The following PCDH15 variants were observed in gnomAD, a reference collection of about 807,000 sequenced individuals.
PCDH15 encodes the protein protocadherin related 15.
PCDH15 carries 129 observed loss-of-function variants against 178.5 expected under a neutral mutation model. The ratio of observed to expected loss-of-function variants is 0.72; its 90% confidence interval spans 0.63 to 0.84. The LOEUF (loss-of-function observed/expected upper bound fraction) is 0.84, where lower values mean the gene tolerates loss of function less well. PCDH15 is among the 40% of genes least tolerant of loss of function. The probability of loss-of-function intolerance (pLI) is 0.00; values close to 1 mark genes in which losing one functional copy is unlikely to be tolerated. For synonymous variants in PCDH15, 800 were observed against 732.0 expected, an observed-to-expected ratio of 1.09 and a Z score of -1.50; for missense variants, 2,230 against 2,099.9, an observed-to-expected ratio of 1.06 and a Z score of -1.21.
At position 53,942,764 on chromosome 10, in the gene PCDH15, G is replaced by T. The variant is rs369943292; in HGVS notation, c.3123-1789C>A. On this transcript the variant is annotated intron_variant, in intron 23 of 37. Coordinates refer to ENST00000644397, the MANE Select transcript of PCDH15 (RefSeq NM_001384140.1). ...AGACCGTAGCCCTGGATGACACCTT[G>T]ATTAAAAGATTATGTAAGTCCAAAA... Among the ~76,000 whole-genome samples, 12 of 152,272 alleles carry T rather than the reference G, an allele frequency of 7.9e-5. No individual in the cohort carries two copies. The East Asian group carries it at 2.1e-3, about 27-fold the overall frequency.
intron 27 of PCDH15, 85 bp downstream of exon 27, chr10:53,866,557 A>T: frequency 1.0e-6 from 1 of 999,672 alleles, no homozygotes; most frequent in Non-Finnish European, 1.6e-6. Context: ...GTTTTAAATT[A>T]ATCTTAGAAG....
intron 3 of PCDH15, among the ~76,000 whole-genome samples, chr10:54,420,062 T>C (rs1472109726): frequency 6.6e-6 from 1 of 152,120 alleles, no homozygotes; most frequent in Admixed American, 6.6e-5. Flanking sequence ...TCAGTTAATA[T>C]GCATGTTGCT....
chr10:54,399,027 C>T (rs1448376870), intron 3 of PCDH15, among the ~76,000 whole-genome samples: 8 of 152,078 alleles, frequency 5.3e-5, no homozygotes, highest in Non-Finnish European at 1.0e-4. Flanking sequence ...TTTTATACTG[C>T]AAATTATTCT....
intron 2 of PCDH15, among the ~76,000 whole-genome samples, chr10:54,662,300 C>T (rs1356925551): frequency 6.6e-6 from 1 of 151,884 alleles, no homozygotes; most frequent in Non-Finnish European, 1.5e-5. Flanking sequence ...TATGAAAAAA[C>T]ATTCAACCTC....
At chr10:54,874,468 A>T (rs1441736309) in intron 3 of PCDH15, among the ~76,000 whole-genome samples, 1 of 152,048 alleles carries the variant, frequency 6.6e-6, no homozygotes, top group African/African-American at 2.4e-5. Context: ...CATGATTTAT[A>T]CCTAGGCATT....
chr10:55,425,291 T>A (rs1236630834), intron 2 of PCDH15, among the ~76,000 whole-genome samples: 1 of 152,054 alleles, frequency 6.6e-6, no homozygotes, highest in South Asian at 2.1e-4. Flanking sequence ...CAATCTCTTT[T>A]GCTAATGCTG....
chr10:53,822,983 G>T, intron 32 of PCDH15: 1 of 1,614,066 alleles, frequency 6.2e-7, no homozygotes, highest in Non-Finnish European at 8.5e-7. Context: ...TCAGCCTCCT[G>T]GGTAAGCTGA....
chr10:54,420,910 A>G (rs989155417), intron 3 of PCDH15, among the ~76,000 whole-genome samples: 2 of 152,234 alleles, frequency 1.3e-5, no homozygotes, highest in Non-Finnish European at 2.9e-5. Flanking sequence ...GACTTCAGGA[A>G]ACATGCCAGT....
intron 25 of PCDH15, among the ~76,000 whole-genome samples, chr10:53,909,082 G>A (rs974133439): frequency 3.9e-5 from 6 of 152,094 alleles, no homozygotes; most frequent in East Asian, 1.9e-4. Context: ...CTCACGTATC[G>A]ACGGAAGAAC....
At position 54,195,743 on chromosome 10, in the gene PCDH15, C is replaced by T. The variant is rs775789634; in HGVS notation, c.1245G>A (p.Ser415=). The change falls in exon 11 of 38, where the codon TCG becomes TCA. Residue 415 remains serine (S), a synonymous_variant. Coordinates refer to ENST00000644397, the MANE Select transcript of PCDH15 (RefSeq NM_001384140.1). ...AAGGTGAAGTCAAATTGAGACTGTC[C>T]GAAATGGTTGCTCCCACTGGGGCAG... ...LESAPVGATI[S]DSLNLTSPLR... 7.4e-6 allele frequency: 12 copies of T among 1,613,908 alleles called. No homozygotes were observed. Among genetic ancestry groups the T allele is most frequent in the South Asian group, 4.4e-5 (4 of 91,078 alleles).
intron 2 of PCDH15, among the ~76,000 whole-genome samples, chr10:55,375,343 T>C (rs1251581520): frequency 1.3e-5 from 2 of 152,116 alleles, no homozygotes; most frequent in Non-Finnish European, 1.5e-5. Flanking sequence ...TGATCAAAAT[T>C]AGTCAAAATT....
At chr10:55,557,431 G>A (rs917490516) in intron 2 of PCDH15, among the ~76,000 whole-genome samples, 1 of 152,156 alleles carries the variant, frequency 6.6e-6, no homozygotes, top group South Asian at 2.1e-4. Flanking sequence ...CAAGTTAAAT[G>A]TAGGGCTGCC....
chr10:55,226,855 T>C (rs1841060667), intron 1 of PCDH15, among the ~76,000 whole-genome samples: 1 of 151,754 alleles, frequency 6.6e-6, no homozygotes, highest in Non-Finnish European at 1.5e-5. Flanking sequence ...AAGATAGATA[T>C]AAGTCAATAA....
intron 3 of PCDH15, chr10:54,486,297 AG>A (rs1475175163): frequency 6.6e-6 from 1 of 152,068 alleles, no homozygotes; most frequent in East Asian, 1.9e-4. Context: ...TTTCCTTAAC[AG>A]GTGCTCATTT....
intron 2 of PCDH15, among the ~76,000 whole-genome samples, chr10:55,072,528 C>T (rs1428729758): frequency 6.6e-6 from 1 of 152,072 alleles, no homozygotes; most frequent in African/African-American, 2.4e-5. Context: ...GACACATACA[C>T]CCTCCCAAGA....
At chr10:55,230,723 A>G (rs1019456783) in intron 1 of PCDH15, among the ~76,000 whole-genome samples, 2 of 152,088 alleles carry the variant, frequency 1.3e-5, no homozygotes, top group African/African-American at 2.4e-5. Flanking sequence ...ACAGATAAGT[A>G]GAAAATTTTA....
intron 28 of PCDH15, among the ~76,000 whole-genome samples, chr10:53,845,676 C>T (rs1336061134): frequency 2.0e-5 from 3 of 151,518 alleles, no homozygotes; most frequent in African/African-American, 7.3e-5. Flanking sequence ...AAAAATGGAT[C>T]TCATGGAGGT....
intron 2 of PCDH15, among the ~76,000 whole-genome samples, chr10:55,439,004 T>C (rs1839114746): frequency 1.3e-5 from 2 of 152,042 alleles, no homozygotes; most frequent in South Asian, 4.2e-4. Flanking sequence ...GTTCACATCA[T>C]TCTCCCACCT....
chr10:53,971,546 C>G (rs1039438120), intron 21 of PCDH15, among the ~76,000 whole-genome samples: 1 of 152,152 alleles, frequency 6.6e-6, no homozygotes, highest in African/African-American at 2.4e-5. Context: ...ACCCCATCAT[C>G]TCAGCCCAAA....
Sources: gnomAD v4.1 joint callset for allele counts (sites outside exome capture counted in the v4.1 genomes callset) on GRCh38, gnomAD v4.1.1 for gene constraint, MANE v1.5 for transcripts, NCBI Gene and HGNC (gene_info 2026-07-23, HGNC 2026-07-21) for gene names.